Variants in ADAMTS17 observed in about 807,000 individuals in gnomAD.
ADAMTS17 encodes A disintegrin and metalloproteinase with thrombospondin motifs 17.
In ADAMTS17, 113 loss-of-function variants were observed where a neutral mutation model predicts 141.5. The ratio of observed to expected loss-of-function variants is 0.80; its 90% CI spans 0.69 to 0.93. ADAMTS17 has a LOEUF of 0.93. Among genes scored for constraint, ADAMTS17 ranks in the 40% least tolerant of loss-of-function variants. The pLI, the probability that ADAMTS17 is intolerant of heterozygous loss-of-function variation, is 0.00. For missense variants in ADAMTS17, 1,659 were observed against 1,517.9 expected (o/e 1.09, Z -1.54); for synonymous variants, 768 against 630.6 (o/e 1.22, Z -3.27).
intron 18 of ADAMTS17, among the ~76,000 whole-genome samples, chr15:100,007,423 T>C (rs2061057796): frequency 6.6e-6 from 1 of 152,072 alleles, no homozygotes; most frequent in East Asian, 1.9e-4. Context: ...AAGACTTTTT[T>C]TTTTTTTTGA....
At chr15:100,213,610 GAAGAC>G (rs1304191834) in intron 7 of ADAMTS17, among the ~76,000 whole-genome samples, 1 of 152,196 alleles carries the variant, frequency 6.6e-6, no homozygotes, top group African/African-American at 2.4e-5. Flanking sequence ...AACAAAACTT[GAAGAC>G]AAGGCAGGAG....
At chr15:100,012,241 G>A (rs2061200389) in intron 18 of ADAMTS17, among the ~76,000 whole-genome samples, 1 of 152,036 alleles carries the variant, frequency 6.6e-6, no homozygotes. Flanking sequence ...TGATGCAATT[G>A]TTTTTATTCT....
At chr15:100,155,061 A>T in intron 9 of ADAMTS17, 119 bp downstream of exon 9, 1 of 1,479,516 alleles carries the variant, frequency 6.8e-7, no homozygotes, top group Non-Finnish European at 9.3e-7. Context: ...TCCTGAGGCT[A>T]GATGCAAATC....
chr15:100,118,666 T>C (rs1307896604), intron 12 of ADAMTS17, among the ~76,000 whole-genome samples: 1 of 152,070 alleles, frequency 6.6e-6, no homozygotes, highest in Admixed American at 6.5e-5. Flanking sequence ...CTGGGCCAGG[T>C]ACCATTGGCA....
chr15:100,001,829 C>CACAATTAAAAGAATGAT (rs2060929190), intron 18 of ADAMTS17, among the ~76,000 whole-genome samples: 9 of 149,878 alleles, frequency 6.0e-5, no homozygotes, highest in African/African-American at 2.0e-4. Context: ...AATAGCCCCC[C>CACAATTAAAAGAATGAT]GTGGTGGTGT....
At chr15:100,060,807 G>A in intron 15 of ADAMTS17, among the ~76,000 whole-genome samples, 1 of 152,228 alleles carries the variant, frequency 6.6e-6, no homozygotes, top group East Asian at 1.9e-4. Flanking sequence ...AAGGTAGGTG[G>A]GGTGAAATTC....
chr15:100,340,912 G>A, intron 2 of ADAMTS17, 127 bp downstream of exon 2: 1 of 1,403,138 alleles, frequency 7.1e-7, no homozygotes, highest in Non-Finnish European at 9.6e-7. Flanking sequence ...TGGAAAGGCA[G>A]GGGGTTCCCT....
chr15:100,169,853 G>A (rs1038111297), intron 8 of ADAMTS17, among the ~76,000 whole-genome samples: 1 of 152,202 alleles, frequency 6.6e-6, no homozygotes, highest in Non-Finnish European at 1.5e-5. Context: ...CAGGTGTTGA[G>A]AAGCAGCTAA....
chr15:100,320,991 A>T (rs907407637), intron 3 of ADAMTS17, among the ~76,000 whole-genome samples: 1 of 152,266 alleles, frequency 6.6e-6, no homozygotes, highest in Non-Finnish European at 1.5e-5. Flanking sequence ...GCTGACAAAG[A>T]TATCAGTAAA....
rs898017306 is a variant in ADAMTS17 at position 100,323,552 on chromosome 15, G to A, written c.616+7337C>T. ...AAATATGAAGATAGTAAAATTTACT[G>A]AGCTAGGTATTCTACTCAAGAAGTT... is the stretch of plus-strand genomic sequence containing the variant. On this transcript the variant is annotated intron_variant, in intron 3 of 21. Coordinates refer to ENST00000268070, the MANE Select transcript of ADAMTS17 (RefSeq NM_139057.4). Among the ~76,000 whole-genome samples, 7 of 152,080 alleles carry A rather than the reference G, an allele frequency of 4.6e-5. No homozygotes were observed. In the East Asian group the frequency reaches 7.7e-4, roughly 17 times the overall value.
In ADAMTS17 at chr15:100,281,470, C is replaced by T. The variant is rs2044281334; in HGVS notation, c.617-69G>A. ...CTTCCAAAACCATGCAGTGAACAGG[C>T]CTTCTGTCAAGCCTGCCCGAGAGAG... On this transcript the variant is annotated intron_variant, in intron 3 of 21. Transcript: ENST00000268070. The T allele has an allele frequency of 2.6e-6, 4 of 1,554,168 alleles. No homozygotes were observed. In the South Asian group the frequency reaches 3.5e-5, roughly 14 times the overall value.
At chr15:100,101,515 G>A (rs1019267558) in intron 14 of ADAMTS17, among the ~76,000 whole-genome samples, 39 of 152,260 alleles carry the variant, frequency 2.6e-4, no homozygotes, top group Admixed American at 1.4e-3. Context: ...GTTAAATCAC[G>A]CCTTCGCCTC....
chr15:100,193,184 G>A (rs937560885), intron 8 of ADAMTS17, among the ~76,000 whole-genome samples: 1 of 152,238 alleles, frequency 6.6e-6, no homozygotes, highest in Admixed American at 6.5e-5. Context: ...CTGGGTCCAG[G>A]CTTCTGCCCG....
intron 3 of ADAMTS17, among the ~76,000 whole-genome samples, chr15:100,301,359 C>G (rs59021560): frequency 3.3e-5 from 5 of 150,744 alleles, no homozygotes; most frequent in African/African-American, 1.2e-4. Flanking sequence ...GACGGAGTCT[C>G]TGTTGCCCAG....
intron 7 of ADAMTS17, among the ~76,000 whole-genome samples, chr15:100,235,424 G>A (rs1191968494): frequency 6.6e-6 from 1 of 151,952 alleles, no homozygotes; most frequent in Admixed American, 6.6e-5. Flanking sequence ...CAGTAGAGTT[G>A]AGCCCTCCCG....
intron 4 of ADAMTS17, among the ~76,000 whole-genome samples, chr15:100,277,578 A>G (rs1183513217): frequency 6.6e-6 from 1 of 152,252 alleles, no homozygotes; most frequent in Non-Finnish European, 1.5e-5. Context: ...CATCTGGTGC[A>G]GAGCCAAGCC....
intron 7 of ADAMTS17, among the ~76,000 whole-genome samples, chr15:100,235,398 T>C (rs930748273): frequency 1.3e-5 from 2 of 152,100 alleles, no homozygotes; most frequent in East Asian, 1.9e-4. Flanking sequence ...CCCCACACCA[T>C]GCACACACAT....
In ADAMTS17 at chr15:100,122,025, C is replaced by T. The variant is rs76280421; in HGVS notation, c.1722-5012G>A. 2.0e-5 allele frequency among the ~76,000 whole-genome samples: 3 copies of T among 152,298 alleles called. No individual in the cohort carries two copies. In the East Asian group the frequency reaches 5.8e-4, roughly 29 times the overall value. On this transcript the variant is annotated intron_variant, in intron 12 of 21. Coordinates refer to ENST00000268070, the MANE Select transcript of ADAMTS17 (RefSeq NM_139057.4). ...TCCCTCATTCAGTGGGCCCCAGTTG[C>T]ACCCTCTCTAACAAGGTCCAAGGAA... is the stretch of plus-strand genomic sequence containing the variant.
At chr15:100,045,204 T>C (rs2031591116) in intron 18 of ADAMTS17, among the ~76,000 whole-genome samples, 1 of 152,124 alleles carries the variant, frequency 6.6e-6, no homozygotes, top group African/African-American at 2.4e-5. Flanking sequence ...AATATAATCA[T>C]TTGGGACGAT....
Sources: gnomAD v4.1 joint callset for allele counts (sites outside exome capture counted in the v4.1 genomes callset) on GRCh38, gnomAD v4.1.1 for gene constraint, MANE v1.5 for transcripts, NCBI Gene and HGNC (gene_info 2026-07-23, HGNC 2026-07-21) for gene names.